The following SBNO1 variants were observed in gnomAD, a reference collection of about 807,000 sequenced individuals.
SBNO1 encodes protein strawberry notch homolog 1.
SBNO1 carries 23 observed loss-of-function variants against 173.6 expected under a neutral mutation model. That is an observed-to-expected ratio of 0.13 (90% CI 0.10 to 0.19). The LOEUF is 0.19. Among genes scored for constraint, SBNO1 ranks in the 10% least tolerant of loss-of-function variants. The pLI is 1.00. For synonymous variants in SBNO1, 632 were observed against 571.5 expected, an observed-to-expected ratio of 1.11 and a Z score of -1.51; for missense variants, 1,238 against 1,671.2, an observed-to-expected ratio of 0.74 and a Z score of 4.52.
chr12:123,299,681 C>CAAAAAAAAAAAAAAAAAAAA (rs538218167), intron 30 of SBNO1, among the ~76,000 whole-genome samples: 22 of 93,888 alleles, frequency 2.3e-4, no homozygotes, highest in East Asian at 1.2e-3. Context: ...ACTCTGTCTT[C>CAAAAAAAAAAAAAAAAAAAA]AAAAAAAAAA....
In SBNO1 at chr12:123,291,848, TAC is replaced by T; in HGVS notation, c.*4058_*4059del. On this transcript the variant is annotated 3_prime_UTR_variant, in exon 32 of 32. Transcript: ENST00000602398. Reference sequence around the variant, plus strand: ...GAAGAACTCAACATTTCTCTATATATACATTTATGTACATATATATAAATACA... The same window carrying T: ...GAAGAACTCAACATTTCTCTATATATATTTATGTACATATATATAAATACA... 1 of 152,160 alleles carries T rather than the reference TAC, an allele frequency of 6.6e-6. No homozygotes were observed. The highest frequency in any genetic ancestry group is 1.9e-4 in the East Asian group (1 of 5,194). The allele number at this position is 152,160 out of a possible 1,614,324, so 9.4% of individuals were successfully genotyped here.
At chr12:123,298,496 G>T (rs189459523) in intron 30 of SBNO1, among the ~76,000 whole-genome samples, 1 of 152,310 alleles carries the variant, frequency 6.6e-6, no homozygotes, top group African/African-American at 2.4e-5. Context: ...GACCTCAGGT[G>T]ATCCACCCTT....
At chr12:123,297,880 T>A (rs774966323) in intron 31 of SBNO1, 98 bp downstream of exon 31, 2 of 1,070,542 alleles carry the variant, frequency 1.9e-6, no homozygotes, top group South Asian at 1.4e-5. Context: ...GGAAGAGATG[T>A]TAGATGCATG....
At chr12:123,354,117 A>G (rs1566055644) in intron 1 of SBNO1, among the ~76,000 whole-genome samples, 1 of 152,208 alleles carries the variant, frequency 6.6e-6, no homozygotes, top group Admixed American at 6.5e-5. Flanking sequence ...TTTTACTGAG[A>G]AACTTTTTGA....
intron 5 of SBNO1, among the ~76,000 whole-genome samples, chr12:123,338,912 GCC>G (rs796814343): frequency 7.3e-3 from 52 of 7,088 alleles, no homozygotes; most frequent in African/African-American, 0.019. Context: ...ACACACACAC[GCC>G]CCCCCCCCCC....
At chr12:123,324,687 G>A (rs1870404466) in intron 15 of SBNO1, among the ~76,000 whole-genome samples, 1 of 152,146 alleles carries the variant, frequency 6.6e-6, no homozygotes. Flanking sequence ...ATTTTGCTCA[G>A]TTTACTACCA....
chr12:123,296,849 G>A (rs1018722875), intron 31 of SBNO1, among the ~76,000 whole-genome samples: 2 of 148,810 alleles, frequency 1.3e-5, no homozygotes, highest in Non-Finnish European at 3.0e-5. Context: ...GTGAGCCACC[G>A]TGCCCGGCCC....
rs538218167 is a variant in SBNO1 at position 123,299,681 on chromosome 12, C to CAAAAAAAA, written c.3846-1518_3846-1511dup. ...GGGCGACACAGCAAGACTCTGTCTT[C>CAAAAAAAA]AAAAAAAAAAAAAAAAAACAAAAAA... On this transcript the variant is annotated intron_variant, in intron 30 of 31. Transcript: ENST00000602398. Among the ~76,000 whole-genome samples the CAAAAAAAA allele has an allele frequency of 1.2e-4, 11 of 93,856 alleles. 1 individual carries two copies. Among genetic ancestry groups the CAAAAAAAA allele is most frequent in the East Asian group, 7.8e-4 (2 of 2,576 alleles). The allele number at this position is 93,856 out of a possible 152,430, so 61.6% of individuals were successfully genotyped here. A position where few individuals can be genotyped will look rare whatever the true frequency, so the allele number is the denominator to read the frequency against.
intron 24 of SBNO1, 36 bp from the exon 25 acceptor site, chr12:123,311,165 C>T (rs757706025): frequency 4.1e-6 from 6 of 1,472,610 alleles, no homozygotes; most frequent in East Asian, 2.3e-5. Flanking sequence ...TCATAAATTA[C>T]AAGGGATGTC....
Position 123,293,880 on chromosome 12 carries a change from C to T in SBNO1, c.*2028G>A, listed in dbSNP as rs930765445. Reference sequence around the variant, plus strand: ...CTGCAGGAGGGTTTGTAATGCTTCCCCACTTCCTCAGGTCCAGCGACTGCA... The same window carrying T: ...CTGCAGGAGGGTTTGTAATGCTTCCTCACTTCCTCAGGTCCAGCGACTGCA... On this transcript the variant is annotated 3_prime_UTR_variant, in exon 32 of 32. Transcript: ENST00000602398. 6.6e-6 allele frequency: 1 copy of T among 151,940 alleles called. No homozygotes were observed. 9.4% of individuals were successfully genotyped at this position (151,940 alleles called of 1,614,324 possible). A position where few individuals can be genotyped will look rare whatever the true frequency, so the allele number is the denominator to read the frequency against.
intron 1 of SBNO1, among the ~76,000 whole-genome samples, chr12:123,352,652 CTCTACTGCG>C (rs1874016548): frequency 6.6e-6 from 1 of 152,198 alleles, no homozygotes; most frequent in Non-Finnish European, 1.5e-5. Context: ...CAAAGAAATC[CTCTACTGCG>C]TCTATGTCAC....
chr12:123,342,162 A>G (rs11057281), intron 4 of SBNO1, among the ~76,000 whole-genome samples: 2,886 of 152,166 alleles, frequency 0.019, 40 homozygotes, highest in Non-Finnish European at 0.03. Context: ...GAGGCAGAGA[A>G]CTGCTTGAAC....
chr12:123,311,217 A>T, intron 24 of SBNO1, 88 bp from the exon 25 acceptor site: 2 of 935,144 alleles, frequency 2.1e-6, no homozygotes, highest in South Asian at 2.8e-5. Flanking sequence ...TGTAAGTAGT[A>T]TCATGCCATT....
At chr12:123,325,965 T>C (rs1870566334) in intron 14 of SBNO1, among the ~76,000 whole-genome samples, 187 bp downstream of exon 14, 2 of 152,230 alleles carry the variant, frequency 1.3e-5, no homozygotes, top group African/African-American at 4.8e-5. Flanking sequence ...ATGTTTACTT[T>C]GTTATACTTT....
chr12:123,296,931 C>T (rs2048617514), intron 31 of SBNO1, among the ~76,000 whole-genome samples: 1 of 149,978 alleles, frequency 6.7e-6, no homozygotes, highest in Non-Finnish European at 1.5e-5. Flanking sequence ...TCCTGGACTC[C>T]AGCAATCCTC....
intron 1 of SBNO1, among the ~76,000 whole-genome samples, chr12:123,360,132 C>G (rs1436292234): frequency 6.6e-6 from 1 of 151,734 alleles, no homozygotes. Flanking sequence ...TTAATCCCAG[C>G]TACTTGGGAG....
At chr12:123,353,747 G>A (rs1470440924) in intron 1 of SBNO1, among the ~76,000 whole-genome samples, 3 of 152,070 alleles carry the variant, frequency 2.0e-5, no homozygotes, top group African/African-American at 4.8e-5. Flanking sequence ...AAAATACTTC[G>A]TTAAGACTAA....
rs1167856865 is a variant in SBNO1 at position 123,364,817 on chromosome 12, C to T, written c.-117G>A. On this transcript the variant is annotated 5_prime_UTR_variant, in exon 1 of 32. Coordinates refer to ENST00000602398, the MANE Select transcript of SBNO1 (RefSeq NM_001167856.3). ...GCGGCAGCAGCGGCGTCCTGCTCTG[C>T]CTACCTCCCCGCCGCCATCTTGACG... 2 of 977,524 alleles carry T rather than the reference C, an allele frequency of 2.0e-6. No individual in the cohort carries two copies. The highest frequency in any genetic ancestry group is 1.8e-5 in the African/African-American group (1 of 56,964). 60.6% of individuals were successfully genotyped at this position (977,524 alleles called of 1,614,324 possible).
intron 30 of SBNO1, among the ~76,000 whole-genome samples, chr12:123,299,767 C>T (rs1032400544): frequency 5.3e-5 from 8 of 150,968 alleles, no homozygotes; most frequent in Non-Finnish European, 1.0e-4. Flanking sequence ...GCACGAGAAT[C>T]GCTTGAACCT....
Sources: allele counts gnomAD v4.1 joint callset (sites outside exome capture counted in the v4.1 genomes callset), GRCh38; gene constraint gnomAD v4.1.1; transcripts MANE v1.5; gene names NCBI Gene and HGNC (gene_info 2026-07-23, HGNC 2026-07-21).